CIB4: variants seen among roughly 807,000 people sequenced by gnomAD.
CIB4 encodes the protein calcium and integrin binding family member 4, also known as calcium and integrin-binding family member 4.
Under a neutral mutation model 25.8 loss-of-function variants are expected in CIB4, and 25 were observed. The ratio of observed to expected loss-of-function variants is 0.97; its 90% CI spans 0.71 to 1.35. The LOEUF is 1.35. CIB4 is among the 40% of genes most tolerant of loss of function. The pLI is 0.00. For missense variants in CIB4, 235 were observed against 228.2 expected, an observed-to-expected ratio of 1.03 and a Z score of -0.19; for synonymous variants, 75 against 81.4, an observed-to-expected ratio of 0.92 and a Z score of 0.42.
intron 3 of CIB4, among the ~76,000 whole-genome samples, chr2:26,610,977 G>A (rs779713030): frequency 1.3e-5 from 2 of 152,060 alleles, no homozygotes; most frequent in Admixed American, 6.5e-5. Flanking sequence ...TCATACTCCC[G>A]GGCTAGCAAA....
intron 3 of CIB4, among the ~76,000 whole-genome samples, chr2:26,604,739 G>A (rs1403642542): frequency 6.6e-6 from 1 of 152,156 alleles, no homozygotes; most frequent in Non-Finnish European, 1.5e-5. Flanking sequence ...AAGGAATGAA[G>A]AATATTAGAA....
At chr2:26,588,294 A>G (rs866521910) in intron 4 of CIB4, among the ~76,000 whole-genome samples, 2 of 152,272 alleles carry the variant, frequency 1.3e-5, no homozygotes, top group South Asian at 4.1e-4. Context: ...TGGAAACAGA[A>G]TAATTTGCTA....
chr2:26,632,637 AATC>A (rs1482975280), intron 2 of CIB4, among the ~76,000 whole-genome samples: 1 of 152,074 alleles, frequency 6.6e-6, no homozygotes, highest in Non-Finnish European at 1.5e-5. Flanking sequence ...GCGCATCCAT[AATC>A]CTAGCTACTC....
chr2:26,615,740 A>G (rs1669079783), intron 3 of CIB4, among the ~76,000 whole-genome samples: 1 of 152,266 alleles, frequency 6.6e-6, no homozygotes, highest in Non-Finnish European at 1.5e-5. Flanking sequence ...GCAGGGGGCC[A>G]GAGCCCGTCC....
intron 3 of CIB4, among the ~76,000 whole-genome samples, chr2:26,602,359 G>A (rs538803471): frequency 6.6e-6 from 1 of 152,258 alleles, no homozygotes; most frequent in Admixed American, 6.5e-5. Flanking sequence ...GTATTCTAGG[G>A]AGTGTATTCT....
chr2:26,582,952 A>C, intron 5 of CIB4, 39 bp from the exon 6 acceptor site: 1 of 1,429,940 alleles, frequency 7.0e-7, no homozygotes, highest in Non-Finnish European at 9.9e-7. Flanking sequence ...GTGGAACCCC[A>C]TGTCAGGCAG....
intron 3 of CIB4, among the ~76,000 whole-genome samples, chr2:26,626,464 T>A: frequency 6.6e-6 from 1 of 151,586 alleles, no homozygotes. Context: ...AGAAAAAAAG[T>A]CTGGAAGGAA....
chr2:26,616,237 G>A (rs1669090279), intron 3 of CIB4, among the ~76,000 whole-genome samples: 1 of 152,226 alleles, frequency 6.6e-6, no homozygotes, highest in Admixed American at 6.5e-5. Flanking sequence ...GGCCACATGG[G>A]GCAGCCAGCT....
At chr2:26,619,866 G>C (rs1669169625) in intron 3 of CIB4, among the ~76,000 whole-genome samples, 1 of 150,304 alleles carries the variant, frequency 6.7e-6, no homozygotes, top group Non-Finnish European at 1.5e-5. Flanking sequence ...TGTGACTGAG[G>C]AAGCAGGACC....
At chr2:26,587,162 C>G (rs1353583853) in intron 4 of CIB4, among the ~76,000 whole-genome samples, 1 of 151,772 alleles carries the variant, frequency 6.6e-6, no homozygotes, top group Non-Finnish European at 1.5e-5. Flanking sequence ...AAAAATTAGC[C>G]GGGCGTAGTG....
chr2:26,601,807 C>G (rs913947624), intron 3 of CIB4, among the ~76,000 whole-genome samples: 12 of 152,118 alleles, frequency 7.9e-5, no homozygotes, highest in African/African-American at 2.4e-5. Flanking sequence ...GAATACTACT[C>G]AGCAATAAAA....
chr2:26,597,178 G>T (rs1668697428), intron 3 of CIB4, among the ~76,000 whole-genome samples: 1 of 152,104 alleles, frequency 6.6e-6, no homozygotes, highest in Non-Finnish European at 1.5e-5. Flanking sequence ...AGACTCTTCT[G>T]ACCTGTTTGG....
intron 2 of CIB4, among the ~76,000 whole-genome samples, chr2:26,638,360 G>A (rs1669572330): frequency 6.6e-6 from 1 of 152,140 alleles, no homozygotes; most frequent in Non-Finnish European, 1.5e-5. Context: ...CAGAAGGGAG[G>A]CGTCCATAAG....
chr2:26,606,953 T>C (rs1286684536), intron 3 of CIB4, among the ~76,000 whole-genome samples: 1 of 152,122 alleles, frequency 6.6e-6, no homozygotes, highest in Non-Finnish European at 1.5e-5. Flanking sequence ...AAATGTTAAA[T>C]ATTATTAAAC....
chr2:26,612,139 T>C (rs1181356631), intron 3 of CIB4, among the ~76,000 whole-genome samples: 2 of 152,172 alleles, frequency 1.3e-5, no homozygotes, highest in Non-Finnish European at 2.9e-5. Context: ...TTTGCTTCTC[T>C]CTTCTGCTTC....
At chr2:26,625,595 A>C (rs868462064) in intron 3 of CIB4, among the ~76,000 whole-genome samples, 1 of 151,784 alleles carries the variant, frequency 6.6e-6, no homozygotes, top group East Asian at 1.9e-4. Context: ...CAGGTGATCC[A>C]CCCGCTTCGG....
chr2:26,633,029 A>G (rs1023377141), intron 2 of CIB4, among the ~76,000 whole-genome samples: 2 of 152,130 alleles, frequency 1.3e-5, no homozygotes, highest in Non-Finnish European at 2.9e-5. Flanking sequence ...ACTCTCACGG[A>G]CATTCTGCAT....
intron 4 of CIB4, among the ~76,000 whole-genome samples, chr2:26,589,108 C>CTTCT (rs1668531650): frequency 1.5e-5 from 1 of 67,826 alleles, no homozygotes; most frequent in East Asian, 3.9e-4. Context: ...CTTCTTCTTC[C>CTTCT]TCTTCTTCTT....
intron 3 of CIB4, among the ~76,000 whole-genome samples, chr2:26,611,163 A>C (rs1668989317): frequency 6.6e-6 from 1 of 152,234 alleles, no homozygotes; most frequent in Non-Finnish European, 1.5e-5. Flanking sequence ...TCTGGGCAGC[A>C]GTGCAGGTGG....
Sources: gnomAD v4.1 joint callset for allele counts (sites outside exome capture counted in the v4.1 genomes callset) on GRCh38, gnomAD v4.1.1 for gene constraint, MANE v1.5 for transcripts, NCBI Gene and HGNC (gene_info 2026-07-23, HGNC 2026-07-21) for gene names.